Variants in MTUS2 observed in about 807,000 individuals in gnomAD.
MTUS2 encodes the protein microtubule associated scaffold protein 2.
A neutral mutation model predicts 114.1 loss-of-function variants in MTUS2; 40 were observed. The observed-to-expected ratio is 0.35, with a 90% CI of 0.27 to 0.46. The LOEUF (loss-of-function observed/expected upper bound fraction) is 0.46, where lower values mean the gene tolerates loss of function less well. MTUS2 is among the 20% of genes least tolerant of loss of function. MTUS2 has a pLI of 1.00. For synonymous variants in MTUS2, 688 were observed against 672.0 expected (o/e 1.02, Z -0.37); for missense variants, 1,679 against 1,705.4 (o/e 0.98, Z 0.27).
intron 5 of MTUS2, among the ~76,000 whole-genome samples, chr13:29,181,792 G>C (rs1245445674): frequency 3.4e-4 from 7 of 20,694 alleles, no homozygotes; most frequent in Non-Finnish European, 8.6e-4. Flanking sequence ...ATACTACTGT[G>C]TGTGTGTGTG....
intron 5 of MTUS2, among the ~76,000 whole-genome samples, chr13:29,146,037 A>T (rs554879090): frequency 5.3e-5 from 8 of 152,272 alleles, no homozygotes; most frequent in African/African-American, 1.9e-4. Flanking sequence ...TTTGTTGTAA[A>T]CTTTTTTGCT....
chr13:29,245,574 G>A (rs1229549687), intron 5 of MTUS2, among the ~76,000 whole-genome samples: 2 of 152,064 alleles, frequency 1.3e-5, no homozygotes, highest in Non-Finnish European at 2.9e-5. Flanking sequence ...CTTCATATAC[G>A]TTGCCATTCT....
chr13:29,169,703 T>G (rs1199964583), intron 5 of MTUS2, among the ~76,000 whole-genome samples: 1 of 152,232 alleles, frequency 6.6e-6, no homozygotes, highest in East Asian at 1.9e-4. Context: ...TATTTAATTT[T>G]TTCTTATCCT....
intron 5 of MTUS2, among the ~76,000 whole-genome samples, chr13:29,153,085 G>A (rs1350606576): frequency 6.6e-6 from 1 of 152,196 alleles, no homozygotes; most frequent in Non-Finnish European, 1.5e-5. Context: ...CAAAATGTGA[G>A]TTGTGCCAGA....
intron 8 of MTUS2, among the ~76,000 whole-genome samples, chr13:29,409,563 C>T (rs1253001541): frequency 6.6e-6 from 1 of 152,118 alleles, no homozygotes; most frequent in Non-Finnish European, 1.5e-5. Context: ...GTATGTGACA[C>T]ATTGGTTCTC....
chr13:29,384,100 A>T (rs1308307408), intron 8 of MTUS2, among the ~76,000 whole-genome samples: 1 of 152,238 alleles, frequency 6.6e-6, no homozygotes, highest in Non-Finnish European at 1.5e-5. Flanking sequence ...AAGGGAGAAA[A>T]AAAATCTGTA....
At chr13:29,479,411 G>T (rs571524098) in intron 9 of MTUS2, among the ~76,000 whole-genome samples, 16 of 152,210 alleles carry the variant, frequency 1.1e-4, no homozygotes, top group African/African-American at 3.9e-4. Flanking sequence ...GACAGAGCAG[G>T]CTTGGAGAGT....
intron 5 of MTUS2, among the ~76,000 whole-genome samples, chr13:29,135,339 T>A (rs1022695286): frequency 5.3e-5 from 8 of 152,252 alleles, no homozygotes; most frequent in African/African-American, 1.7e-4. Context: ...TGTGGTAGTA[T>A]AGCCAGTTCT....
chr13:29,439,868 CCTT>C, intron 8 of MTUS2, 112 bp from the exon 9 acceptor site: 6 of 836,450 alleles, frequency 7.2e-6, no homozygotes, highest in Non-Finnish European at 7.8e-6. Context: ...AAAATTATCT[CCTT>C]AAGGACTAGA....
At chr13:29,347,545 A>G (rs1173278543) in intron 7 of MTUS2, among the ~76,000 whole-genome samples, 2 of 150,460 alleles carry the variant, frequency 1.3e-5, no homozygotes, top group Non-Finnish European at 3.0e-5. Context: ...AAAAAACCCT[A>G]TTCCTCTCCT....
At chr13:29,057,599 C>T (rs1490710729) in intron 4 of MTUS2, among the ~76,000 whole-genome samples, 1 of 151,972 alleles carries the variant, frequency 6.6e-6, no homozygotes, top group Non-Finnish European at 1.5e-5. Flanking sequence ...GTCTGTTTTG[C>T]CTGAAATTAG....
In MTUS2 at chr13:29,377,956, G is replaced by T. The variant is rs1871878828; in HGVS notation, c.3117+18483G>T. ...CCTGCAGATTAACAAAGAATGGGCT[G>T]TTGGTATACAGAACAACTTGGATGA... On this transcript the variant is annotated intron_variant, in intron 8 of 15. Transcript: ENST00000612955. Among the ~76,000 whole-genome samples, 4 of 152,226 alleles carry T rather than the reference G, an allele frequency of 2.6e-5. 1 individual carries two copies. The South Asian group carries it at 8.3e-4, about 31-fold the overall frequency.
intron 2 of MTUS2, among the ~76,000 whole-genome samples, chr13:28,884,412 A>G (rs1358777500): frequency 6.6e-6 from 1 of 152,174 alleles, no homozygotes; most frequent in Admixed American, 6.5e-5. Context: ...GGAGAGAGGA[A>G]TGGGTATAGA....
chr13:29,049,245 T>C (rs933149473), intron 4 of MTUS2, among the ~76,000 whole-genome samples: 2 of 152,192 alleles, frequency 1.3e-5, no homozygotes, highest in Non-Finnish European at 2.9e-5. Flanking sequence ...GGACATCCTT[T>C]TGTTTGCTTG....
chr13:29,431,266 A>G (rs1283099631), intron 8 of MTUS2, among the ~76,000 whole-genome samples: 1 of 152,238 alleles, frequency 6.6e-6, no homozygotes, highest in Non-Finnish European at 1.5e-5. Flanking sequence ...AAGTGAACAA[A>G]TTGTTTAAAA....
At chr13:29,397,133 C>T (rs1379198951) in intron 8 of MTUS2, among the ~76,000 whole-genome samples, 1 of 152,194 alleles carries the variant, frequency 6.6e-6, no homozygotes, top group East Asian at 1.9e-4. Context: ...CAACCAACAA[C>T]TTACAACTGA....
chr13:29,320,421 G>GA (rs1188800402), intron 6 of MTUS2, among the ~76,000 whole-genome samples: 1 of 152,226 alleles, frequency 6.6e-6, no homozygotes, highest in East Asian at 1.9e-4. Flanking sequence ...ACTGCTAAGT[G>GA]ATAATTTGTT....
chr13:29,486,826 C>T (rs1881644386), intron 10 of MTUS2, among the ~76,000 whole-genome samples: 2 of 152,076 alleles, frequency 1.3e-5, no homozygotes, highest in Non-Finnish European at 2.9e-5. Flanking sequence ...TACAGTGGAT[C>T]ACTGACAGAG....
intron 2 of MTUS2, among the ~76,000 whole-genome samples, chr13:28,877,494 T>C (rs1050236641): frequency 6.6e-6 from 1 of 152,222 alleles, no homozygotes; most frequent in African/African-American, 2.4e-5. Flanking sequence ...AAAGGAAATC[T>C]GATTCATTAT....
Sources: gnomAD v4.1 joint callset for allele counts (sites outside exome capture counted in the v4.1 genomes callset) on GRCh38, gnomAD v4.1.1 for gene constraint, MANE v1.5 for transcripts, NCBI Gene and HGNC (gene_info 2026-07-23, HGNC 2026-07-21) for gene names.